The following CLCN5 variants were observed in gnomAD, a reference collection of about 807,000 sequenced individuals.
The protein encoded by CLCN5 is H(+)/Cl(-) exchange transporter 5.
CLCN5 carries 17 observed loss-of-function variants against 54.0 expected under a neutral mutation model. That is an observed-to-expected ratio of 0.31 (90% CI 0.22 to 0.47). The LOEUF is 0.47. Among genes scored for constraint, CLCN5 ranks in the 20% least tolerant of loss-of-function variants. The pLI, the probability that CLCN5 is intolerant of heterozygous loss-of-function variation, is 1.00. For missense variants in CLCN5, 448 were observed against 646.7 expected (o/e 0.69, Z 3.33); for synonymous variants, 222 against 233.0 (o/e 0.95, Z 0.43).
chrX:50,030,025 A>G (rs1236802437), intron 3 of CLCN5, among the ~76,000 whole-genome samples: 1 of 112,302 alleles, frequency 8.9e-6, no homozygotes, highest in African/African-American at 3.2e-5. Flanking sequence ...TAGAAGACCA[A>G]AATCTACAGA....
intron 3 of CLCN5, among the ~76,000 whole-genome samples, chrX:49,961,482 C>T (rs1211268984): frequency 8.9e-6 from 1 of 112,119 alleles, no homozygotes; most frequent in Non-Finnish European, 1.9e-5. Context: ...TAAGAGGCAA[C>T]ACAGAGGGTT....
intron 3 of CLCN5, among the ~76,000 whole-genome samples, chrX:49,995,323 C>A (rs1478479075): frequency 9.0e-6 from 1 of 111,595 alleles, no homozygotes; most frequent in African/African-American, 3.3e-5. Context: ...ATTTTTGGGC[C>A]CGTGAAATGG....
chrX:49,953,443 C>A (rs1386328816), intron 3 of CLCN5, among the ~76,000 whole-genome samples: 7 of 111,238 alleles, frequency 6.3e-5, no homozygotes, highest in Non-Finnish European at 1.3e-4. Context: ...ATAGCTGAGA[C>A]CATAGGTGCA....
intron 3 of CLCN5, among the ~76,000 whole-genome samples, chrX:49,989,454 G>A (rs782012505): frequency 2.7e-5 from 3 of 111,628 alleles, no homozygotes; most frequent in South Asian, 7.4e-4. Context: ...ATACATATTC[G>A]TTAAATGAAT....
chrX:50,018,478 T>C (rs1482525068), intron 3 of CLCN5, among the ~76,000 whole-genome samples: 2 of 112,156 alleles, frequency 1.8e-5, no homozygotes, highest in East Asian at 5.6e-4. Flanking sequence ...TTGCATTAGC[T>C]AGGTCTTTCA....
At chrX:50,039,907 G>C (rs982773303) in intron 3 of CLCN5, among the ~76,000 whole-genome samples, 8 of 111,216 alleles carry the variant, frequency 7.2e-5, no homozygotes, top group African/African-American at 2.6e-4. Flanking sequence ...TAGTCAAGCT[G>C]GTCTCGAACT....
At chrX:50,065,727 G>T (rs782338044) in intron 4 of CLCN5, among the ~76,000 whole-genome samples, 2 of 106,240 alleles carry the variant, frequency 1.9e-5, no homozygotes, top group Non-Finnish European at 1.9e-5. Context: ...GTTCATTGCG[G>T]CATTATTCAC....
At chrX:50,008,561 A>G in intron 3 of CLCN5, 1 of 332,467 alleles carries the variant, frequency 3.0e-6, no homozygotes, top group Non-Finnish European at 6.3e-6. Context: ...CCTATCATCC[A>G]TTCCACAAGT....
At chrX:50,043,604 G>A (rs1932296433) in intron 4 of CLCN5, among the ~76,000 whole-genome samples, 1 of 111,468 alleles carries the variant, frequency 9.0e-6, no homozygotes, top group African/African-American at 3.2e-5. Context: ...TTCATGTGAT[G>A]TTCCTATTTT....
At chrX:50,035,888 C>G (rs782764512) in intron 3 of CLCN5, among the ~76,000 whole-genome samples, 4 of 112,700 alleles carry the variant, frequency 3.5e-5, no homozygotes, top group Non-Finnish European at 7.5e-5. Context: ...ACAATTTCCC[C>G]TGTTTGCTGT....
intron 3 of CLCN5, among the ~76,000 whole-genome samples, chrX:49,954,514 A>G (rs1927214695): frequency 9.0e-6 from 1 of 111,289 alleles, no homozygotes; most frequent in Admixed American, 9.6e-5. Context: ...ATGTGCTTCC[A>G]GGGCTTGCGA....
chrX:50,054,936 G>A (rs1220212023), intron 4 of CLCN5, among the ~76,000 whole-genome samples: 1 of 111,586 alleles, frequency 9.0e-6, no homozygotes, highest in African/African-American at 3.3e-5. Flanking sequence ...AGCAGTTGCT[G>A]TAATGCTTCA....
At chrX:50,054,211 C>G (rs1932674195) in intron 4 of CLCN5, among the ~76,000 whole-genome samples, 2 of 111,249 alleles carry the variant, frequency 1.8e-5, no homozygotes, top group African/African-American at 6.5e-5. Context: ...GCCCTCTACT[C>G]TCTTCTTTGA....
intron 4 of CLCN5, among the ~76,000 whole-genome samples, chrX:50,050,941 C>T (rs1557188283): frequency 1.8e-5 from 2 of 111,143 alleles, no homozygotes. Flanking sequence ...GGATTACAGG[C>T]GTGAGCCACT....
At chrX:50,013,614 A>T (rs781909537) in intron 3 of CLCN5, among the ~76,000 whole-genome samples, 40 of 112,270 alleles carry the variant, frequency 3.6e-4, no homozygotes, top group Non-Finnish European at 6.2e-4. Context: ...TTCTGTACAA[A>T]GCTGAAAGGA....
intron 3 of CLCN5, among the ~76,000 whole-genome samples, chrX:50,034,107 A>G (rs1931870829): frequency 8.9e-6 from 1 of 112,348 alleles, no homozygotes; most frequent in Non-Finnish European, 1.9e-5. Flanking sequence ...TGGCACTCAG[A>G]GATTAACATG....
intron 6 of CLCN5, among the ~76,000 whole-genome samples, chrX:50,075,587 T>C (rs1557192013): frequency 9.0e-6 from 1 of 111,179 alleles, no homozygotes; most frequent in African/African-American, 3.3e-5. Context: ...ATTCCACAGA[T>C]GGCAGTGTTT....
At chrX:50,028,955 CTA>C (rs1931551189) in intron 3 of CLCN5, among the ~76,000 whole-genome samples, 1 of 111,702 alleles carries the variant, frequency 9.0e-6, no homozygotes, top group African/African-American at 3.3e-5. Flanking sequence ...ATATACTATT[CTA>C]TGTTTTTTAA....
intron 3 of CLCN5, among the ~76,000 whole-genome samples, chrX:49,942,141 ATG>A (rs2147272463): frequency 2.2e-5 from 1 of 45,137 alleles, no homozygotes; most frequent in South Asian, 1.7e-3. Context: ...ATCTTGATTA[ATG>A]TTAAATTAGA....
Sources: allele counts gnomAD v4.1 joint callset (sites outside exome capture counted in the v4.1 genomes callset), GRCh38; gene constraint gnomAD v4.1.1; transcripts MANE v1.5; gene names NCBI Gene and HGNC (gene_info 2026-07-23, HGNC 2026-07-21).